The following CBX6 variants were observed in gnomAD, a reference collection of about 807,000 sequenced individuals.
The protein encoded by CBX6 is chromobox 6.
A neutral mutation model predicts 28.4 loss-of-function variants in CBX6; 7 were observed. The observed-to-expected ratio is 0.25, with a 90% CI of 0.14 to 0.46. CBX6 has a LOEUF of 0.46. CBX6 is among the 20% of genes least tolerant of loss of function. The pLI is 0.99. For missense variants in CBX6, 512 were observed against 606.1 expected, an observed-to-expected ratio of 0.84 and a Z score of 1.63; for synonymous variants, 297 against 273.4, an observed-to-expected ratio of 1.09 and a Z score of -0.85.
chr22:38,872,118 T>C lies in CBX6; in HGVS notation c.69+4A>G. On this transcript the variant is annotated splice_donor_region_variant and intron_variant, in intron 1 of 4. Coordinates refer to ENST00000407418, the MANE Select transcript of CBX6 (RefSeq NM_014292.5). This position sits in a 1 kb window ranked among gnomAD's most constrained non-coding sequence, Gnocchi z 5.0. ...GCGGCGGCCCGCCCCGGGCGGCGGC[T>C]CACCTTTCGGATCCGCCGTTTGATG... The C allele has an allele frequency of 7.2e-7, 1 of 1,394,828 alleles. No homozygotes were observed. Among genetic ancestry groups the C allele is most frequent in the Non-Finnish European group, 9.4e-7 (1 of 1,059,854 alleles). The allele number at this position is 1,394,828 out of a possible 1,614,324, so 86.4% of individuals were successfully genotyped here.
At position 38,866,590 on chromosome 22, in the gene CBX6, A is replaced by C. The variant is rs966499517; in HGVS notation, c.858T>G (p.Ser286=). The C allele has an allele frequency of 6.4e-7, 1 of 1,571,482 alleles. No homozygotes were observed. Among genetic ancestry groups the C allele is most frequent in the East Asian group, 2.3e-5 (1 of 43,932 alleles). The part of the protein sequence containing the change: ...SGCPSPTPQS[S]DPDDTPPKLL... ...GCTTGGGGGGCGTGTCGTCGGGGTC[A>C]GAGGACTGTGGTGTAGGCGAGGGGC... The change falls in exon 5 of 5, where the codon TCT becomes TCG. Residue 286 remains serine (S), a synonymous_variant. Coordinates refer to ENST00000407418, the MANE Select transcript of CBX6 (RefSeq NM_014292.5). The surrounding 1 kb of genome is among the most constrained non-coding windows in gnomAD (Gnocchi z 7.5).
chr22:38,867,228 G>GGGCC, intron 4 of CBX6, 27 bp from the exon 5 acceptor site: 1 of 518,864 alleles, frequency 1.9e-6, no homozygotes, highest in Non-Finnish European at 3.6e-6. Flanking sequence ...GGGTGGGTGG[G>GGGCC]ACCTCAGGAC....
chr22:38,868,102 T>C (rs1344595559), intron 4 of CBX6, among the ~76,000 whole-genome samples: 1 of 152,124 alleles, frequency 6.6e-6, no homozygotes, highest in Non-Finnish European at 1.5e-5. Context: ...AGACCCCAGG[T>C]TCCGGTCCAA....
In CBX6 at chr22:38,870,966, A is replaced by AGTT. The variant is rs2093180563; in HGVS notation, c.246+513_246+514insAAC. Reference sequence around the variant, plus strand: ...GATAAATTCAAAGTAAAATGATTTGAGGTCAAATTCAAGTTGGATCCCCAA... The same window carrying AGTT: ...GATAAATTCAAAGTAAAATGATTTGAGTTGGTCAAATTCAAGTTGGATCCCCAA... On this transcript the variant is annotated intron_variant, in intron 4 of 4. Transcript: ENST00000407418. The surrounding 1 kb of genome is among the most constrained non-coding windows in gnomAD (Gnocchi z 4.3). The AGTT allele has an allele frequency of 1.9e-5, 3 of 160,058 alleles. No homozygotes were observed. Among genetic ancestry groups the AGTT allele is most frequent in the African/African-American group, 7.2e-5 (3 of 41,492 alleles). 9.9% of individuals were successfully genotyped at this position (160,058 alleles called of 1,614,324 possible).
rs112586256 is a variant in CBX6 at position 38,864,399 on chromosome 22, T to C, written c.*1810A>G. The C allele has an allele frequency of 7.2e-5, 11 of 152,246 alleles. No homozygotes were observed. The highest frequency in any genetic ancestry group is 2.4e-4 in the African/African-American group (10 of 41,200). The allele number at this position is 152,246 out of a possible 1,614,324, so 9.4% of individuals were successfully genotyped here. On this transcript the variant is annotated 3_prime_UTR_variant, in exon 5 of 5. Coordinates refer to ENST00000407418, the MANE Select transcript of CBX6 (RefSeq NM_014292.5). Reference sequence around the variant, plus strand: ...GAAACACCTGTAACTGGCACCCAGGTGGTCACTCACCTGGGGGAGGGGGTC... The same window carrying C: ...GAAACACCTGTAACTGGCACCCAGGCGGTCACTCACCTGGGGGAGGGGGTC...
rs1229528768 is a variant in CBX6 at position 38,862,546 on chromosome 22, G to GAAAAAAAAAAAAAAAAAAAAAAA, written c.*3662_*3663insTTTTTTTTTTTTTTTTTTTTTTT. 1 of 85,508 alleles carries GAAAAAAAAAAAAAAAAAAAAAAA rather than the reference G, an allele frequency of 1.2e-5. No homozygotes were observed. The highest frequency in any genetic ancestry group is 4.7e-5 in the African/African-American group (1 of 21,058). 5.3% of individuals were successfully genotyped at this position (85,508 alleles called of 1,614,324 possible). On this transcript the variant is annotated 3_prime_UTR_variant, in exon 5 of 5. Transcript: ENST00000407418. ...AAAAAAAAAAAAAAAAAAAAAAAAA[G>GAAAAAAAAAAAAAAAAAAAAAAA]AAAGAAAGAAAAAAGAAAAACAAAA...
chr22:38,867,116 T>G lies in CBX6; in HGVS notation c.332A>C (p.His111Pro). The G allele has an allele frequency of 6.3e-7, 1 of 1,588,012 alleles. No individual in the cohort carries two copies. The highest frequency in any genetic ancestry group is 8.5e-7 in the Non-Finnish European group (1 of 1,170,116). Residue 111 changes from histidine to proline, a missense_variant, in exon 5 of 5, where the codon CAC (histidine) becomes CCC (proline). Coordinates refer to ENST00000407418, the MANE Select transcript of CBX6 (RefSeq NM_014292.5). ...PSASASSPKL[H>P]SSAAVHRLKK... The stretch of plus-strand genomic sequence containing the variant: ...GAGCCGGTGCACGGCTGCGCTGGAG[T>G]GCAGCTTGGGCGAGGAGGCACTGGC...
Position 38,870,369 on chromosome 22 carries a change from G to GT in CBX6, c.246+1110dup, listed in dbSNP as rs1007783948. 7.3e-4 allele frequency: 111 copies of GT among 152,384 alleles called. 1 individual carries two copies. Among genetic ancestry groups the GT allele is most frequent in the Non-Finnish European group, 1.5e-3 (102 of 68,066 alleles). 9.4% of individuals were successfully genotyped at this position (152,384 alleles called of 1,614,324 possible). On this transcript the variant is annotated intron_variant, in intron 4 of 4. Transcript: ENST00000407418. The surrounding 1 kb of genome is among the most constrained non-coding windows in gnomAD (Gnocchi z 4.3). ...CTATCAAGAAAAAAAGGCGTTCTGT[G>GT]TATCAATGCTCATGGTCATACTCGC...
rs1442029309 is a variant in CBX6 at position 38,862,674 on chromosome 22, T to C, written c.*3535A>G. 1 of 151,976 alleles carries C rather than the reference T, an allele frequency of 6.6e-6. No individual in the cohort carries two copies. The highest frequency in any genetic ancestry group is 2.4e-5 in the African/African-American group (1 of 41,278). The allele number at this position is 151,976 out of a possible 1,614,324, so 9.4% of individuals were successfully genotyped here. A position where few individuals can be genotyped will look rare whatever the true frequency, so the allele number is the denominator to read the frequency against. On this transcript the variant is annotated 3_prime_UTR_variant, in exon 5 of 5. Transcript: ENST00000407418. ...GGTCCCCATAGGCCAGAGAGGCTGG[T>C]AGCAGTCCAGCCCCCTGGCCAACCC...
Position 38,870,238 on chromosome 22 carries a change from G to A in CBX6, c.246+1242C>T, listed in dbSNP as rs896304466. 6.6e-6 allele frequency: 1 copy of A among 152,200 alleles called. No homozygotes were observed. Among genetic ancestry groups the A allele is most frequent in the African/African-American group, 2.4e-5 (1 of 41,424 alleles). 9.4% of individuals were successfully genotyped at this position (152,200 alleles called of 1,614,324 possible). A position where few individuals can be genotyped will look rare whatever the true frequency, so the allele number is the denominator to read the frequency against. On this transcript the variant is annotated intron_variant, in intron 4 of 4. Coordinates refer to ENST00000407418, the MANE Select transcript of CBX6 (RefSeq NM_014292.5). This position sits in a 1 kb window ranked among gnomAD's most constrained non-coding sequence, Gnocchi z 4.3. The stretch of plus-strand genomic sequence containing the variant: ...CTTGATTTTTTATCTGTGAAATGGG[G>A]ATAATACTCCTTACTTCTTGGAACT...
chr22:38,866,795 C>T lies in CBX6; in HGVS notation c.653G>A (p.Ser218Asn), dbSNP rs201715999. The part of the protein sequence containing the change: ...VIGKSKKFSE[S>N]VLRTQIRHMK... ...GTGGCGGATCTGTGTACGCAGGACG[C>T]TCTCGCTGAACTTCTTGCTCTTGCC... is the stretch of plus-strand genomic sequence containing the variant. The change falls in exon 5 of 5, where the codon AGC becomes AAC. Residue 218 changes from serine (S) to asparagine (N), a missense_variant. Around this residue, in one of 7 missense-constraint regions of CBX6, gnomAD observed 290 missense variants for 274.1 expected, o/e 1.06. Transcript: ENST00000407418. The surrounding 1 kb of genome is among the most constrained non-coding windows in gnomAD (Gnocchi z 7.5). 1 of 1,612,664 alleles carries T rather than the reference C, an allele frequency of 6.2e-7. No homozygotes were observed. Among genetic ancestry groups the T allele is most frequent in the Non-Finnish European group, 8.5e-7 (1 of 1,179,462 alleles).
chr22:38,871,615 G>C lies in CBX6; in HGVS notation c.180-69C>G, dbSNP rs2093182522. On this transcript the variant is annotated intron_variant, in intron 3 of 4. Coordinates refer to ENST00000407418, the MANE Select transcript of CBX6 (RefSeq NM_014292.5). This position sits in a 1 kb window ranked among gnomAD's most constrained non-coding sequence, Gnocchi z 5.6. ...GGCCCCACTCCGCGCTGCCCTCCCCGGCTCTCCCGCTTCCCCGCGCGGCGC... is the reference window on the plus strand; with the variant it reads ...GGCCCCACTCCGCGCTGCCCTCCCCCGCTCTCCCGCTTCCCCGCGCGGCGC... The C allele has an allele frequency of 3.1e-6, 5 of 1,610,604 alleles. No individual in the cohort carries two copies. Among genetic ancestry groups the C allele is most frequent in the Non-Finnish European group, 3.4e-6 (4 of 1,177,756 alleles).
intron 4 of CBX6, among the ~76,000 whole-genome samples, chr22:38,869,300 C>G (rs1383480966): frequency 6.6e-6 from 1 of 152,148 alleles, no homozygotes; most frequent in Non-Finnish European, 1.5e-5. Context: ...GGGGGAGGGG[C>G]AGAGTGTGGG....
intron 4 of CBX6, 133 bp from the exon 5 acceptor site, chr22:38,867,334 C>A: frequency 1.3e-6 from 1 of 782,130 alleles, no homozygotes; most frequent in Admixed American, 3.0e-5. Flanking sequence ...AATCACTGGT[C>A]TTCATGACCT....
rs1235670803 is a variant in CBX6 at position 38,861,666 on chromosome 22, A to C, written c.*4543T>G. Reference sequence around the variant, plus strand: ...AACTAAGCGTCTTCTCCACAGGGGGAGGGGCAGGGTGGACTGGGGGACCTG... The same window carrying C: ...AACTAAGCGTCTTCTCCACAGGGGGCGGGGCAGGGTGGACTGGGGGACCTG... On this transcript the variant is annotated 3_prime_UTR_variant, in exon 5 of 5. Transcript: ENST00000407418. 1 of 152,064 alleles carries C rather than the reference A, an allele frequency of 6.6e-6. No homozygotes were observed. The highest frequency in any genetic ancestry group is 1.5e-5 in the Non-Finnish European group (1 of 68,016). The allele number at this position is 152,064 out of a possible 1,614,324, so 9.4% of individuals were successfully genotyped here.
chr22:38,865,951 T>C lies in CBX6; in HGVS notation c.*258A>G, dbSNP rs894467157. The stretch of plus-strand genomic sequence containing the variant: ...GAAGGGGCAGAGGAACCCTAGTTTC[T>C]AGGGCTTTCCAGAAACCACCCAGTG... On this transcript the variant is annotated 3_prime_UTR_variant, in exon 5 of 5. Coordinates refer to ENST00000407418, the MANE Select transcript of CBX6 (RefSeq NM_014292.5). 6 of 539,034 alleles carry C rather than the reference T, an allele frequency of 1.1e-5. No homozygotes were observed. Among genetic ancestry groups the C allele is most frequent in the Non-Finnish European group, 1.6e-5 (5 of 304,756 alleles). 33.4% of individuals were successfully genotyped at this position (539,034 alleles called of 1,614,324 possible).
Position 38,865,107 on chromosome 22 carries a change from C to T in CBX6, c.*1102G>A, listed in dbSNP as rs1459269820. On this transcript the variant is annotated 3_prime_UTR_variant, in exon 5 of 5. Coordinates refer to ENST00000407418, the MANE Select transcript of CBX6 (RefSeq NM_014292.5). ...GCCGGGAGGCCCTCGGGAATGGATT[C>T]TTCAGCATCCTCCCCAAACACCCGG... is the stretch of plus-strand genomic sequence containing the variant. The T allele has an allele frequency of 6.6e-6, 1 of 152,344 alleles. No individual in the cohort carries two copies. The highest frequency in any genetic ancestry group is 6.5e-5 in the Admixed American group (1 of 15,290). The allele number at this position is 152,344 out of a possible 1,614,324, so 9.4% of individuals were successfully genotyped here.
chr22:38,871,836 C>T lies in CBX6; in HGVS notation c.113+66G>A, dbSNP rs1313231049. The T allele has an allele frequency of 3.8e-5, 59 of 1,568,868 alleles. No individual in the cohort carries two copies. In the Admixed American group the frequency reaches 1.0e-3, roughly 27 times the overall value. ...CGCGGCGAGAGCAAGAGCGCGCACC[C>T]CCACCCCAGGCCCCGGTGCCCGCTG... On this transcript the variant is annotated intron_variant, in intron 2 of 4. Coordinates refer to ENST00000407418, the MANE Select transcript of CBX6 (RefSeq NM_014292.5). The surrounding 1 kb of genome is among the most constrained non-coding windows in gnomAD (Gnocchi z 5.6).
chr22:38,867,345 C>T (rs2093173203), intron 4 of CBX6, 144 bp from the exon 5 acceptor site: 1 of 758,162 alleles, frequency 1.3e-6, no homozygotes, highest in African/African-American at 1.8e-5. Context: ...TTCATGACCT[C>T]GACTTAGAAA....
Sources: allele counts gnomAD v4.1 joint callset (sites outside exome capture counted in the v4.1 genomes callset), GRCh38; gene constraint gnomAD v4.1.1; regional missense constraint gnomAD v4.1.1; non-coding constraint Gnocchi (gnomAD v3.1); transcripts MANE v1.5; gene names NCBI Gene and HGNC (gene_info 2026-07-23, HGNC 2026-07-21).